Variants in GRIK2 observed in about 807,000 individuals in gnomAD.
GRIK2 encodes the protein glutamate ionotropic receptor kainate type subunit 2, also known as glutamate receptor ionotropic, kainate 2.
A neutral mutation model predicts 100.3 loss-of-function variants in GRIK2; 32 were observed. That is an observed-to-expected ratio of 0.32 (90% CI 0.24 to 0.43). GRIK2 has a LOEUF of 0.43. Ranked by LOEUF, GRIK2 falls within the 20% of genes least tolerant of loss-of-function variation. The pLI is 1.00. For missense variants in GRIK2, 843 were observed against 1,114.9 expected (o/e 0.76, Z 3.47); for synonymous variants, 417 against 389.4 (o/e 1.07, Z -0.83).
At chr6:101,517,736 T>C (rs17816108) in intron 2 of GRIK2, among the ~76,000 whole-genome samples, 15,135 of 152,212 alleles carry the variant, frequency 0.099, 856 homozygotes, top group Middle Eastern at 0.15. Flanking sequence ...TCTAAGCAGA[T>C]ATTTAGTAAT....
intron 4 of GRIK2, among the ~76,000 whole-genome samples, chr6:101,664,289 T>C (rs965144947): frequency 6.6e-6 from 1 of 152,010 alleles, no homozygotes; most frequent in Non-Finnish European, 1.5e-5. Flanking sequence ...AAAAAAGAAA[T>C]AGATAATAGG....
intron 4 of GRIK2, among the ~76,000 whole-genome samples, chr6:101,661,468 T>A (rs772047373): frequency 1.3e-4 from 20 of 152,040 alleles, no homozygotes; most frequent in Non-Finnish European, 1.8e-4. Context: ...TCAGCCCCCT[T>A]GCCAGGGGAG....
chr6:101,972,344 T>C (rs1177386533), intron 14 of GRIK2, among the ~76,000 whole-genome samples: 1 of 152,100 alleles, frequency 6.6e-6, no homozygotes, highest in African/African-American at 2.4e-5. Context: ...TACATTTCTC[T>C]GATGACTAGT....
intron 2 of GRIK2, among the ~76,000 whole-genome samples, chr6:101,517,082 G>A (rs1761176310): frequency 6.6e-6 from 1 of 151,968 alleles, no homozygotes; most frequent in African/African-American, 2.4e-5. Context: ...TTAAATTAAG[G>A]TACTTATCTT....
intron 7 of GRIK2, among the ~76,000 whole-genome samples, chr6:101,707,604 G>GA (rs1773421703): frequency 8.0e-6 from 1 of 125,310 alleles, no homozygotes; most frequent in Non-Finnish European, 1.6e-5. Context: ...GTATATATGT[G>GA]TGTATATATA....
intron 10 of GRIK2, among the ~76,000 whole-genome samples, chr6:101,855,549 A>G (rs764682875): frequency 4.6e-5 from 7 of 152,140 alleles, no homozygotes; most frequent in South Asian, 2.1e-4. Context: ...CAATCAATCA[A>G]TCAATAAAAA....
intron 14 of GRIK2, among the ~76,000 whole-genome samples, chr6:101,986,416 C>T (rs965469939): frequency 6.6e-6 from 1 of 151,764 alleles, no homozygotes; most frequent in Non-Finnish European, 1.5e-5. Context: ...TTACTAGTTA[C>T]TTTACCTGAG....
chr6:101,904,302 G>T (rs2518208), intron 12 of GRIK2, among the ~76,000 whole-genome samples: 1 of 151,178 alleles, frequency 6.6e-6, no homozygotes, highest in Non-Finnish European at 1.5e-5. Flanking sequence ...GCATAAGATC[G>T]TGTCACATCT....
intron 2 of GRIK2, among the ~76,000 whole-genome samples, chr6:101,459,175 A>T (rs1771166772): frequency 1.3e-5 from 2 of 152,056 alleles, no homozygotes; most frequent in Non-Finnish European, 2.9e-5. Flanking sequence ...AATGAAAACT[A>T]TCCATGCATG....
chr6:101,768,096 T>C (rs559090973), intron 7 of GRIK2, among the ~76,000 whole-genome samples: 15 of 152,178 alleles, frequency 9.9e-5, no homozygotes, highest in African/African-American at 3.6e-4. Context: ...TGGGCTCAAG[T>C]GATCTACCCA....
chr6:101,777,188 A>G (rs1380529437), intron 7 of GRIK2, among the ~76,000 whole-genome samples: 2 of 152,202 alleles, frequency 1.3e-5, no homozygotes. Context: ...GTCTCTGACA[A>G]TTGGCTCCCG....
intron 11 of GRIK2, among the ~76,000 whole-genome samples, chr6:101,869,154 A>T (rs1224110981): frequency 6.6e-6 from 1 of 151,926 alleles, no homozygotes; most frequent in Non-Finnish European, 1.5e-5. Flanking sequence ...ATCTTATGTA[A>T]CACCACACGT....
intron 2 of GRIK2, among the ~76,000 whole-genome samples, chr6:101,570,650 T>A (rs1437416262): frequency 6.6e-6 from 1 of 152,102 alleles, no homozygotes; most frequent in African/African-American, 2.4e-5. Context: ...AACCACTAAT[T>A]TGAGTTACTC....
At chr6:101,840,984 G>A (rs1056786016) in intron 10 of GRIK2, among the ~76,000 whole-genome samples, 5 of 150,884 alleles carry the variant, frequency 3.3e-5, no homozygotes, top group African/African-American at 7.3e-5. Context: ...TATAGCCAAA[G>A]GCACTAAAAT....
chr6:101,403,297 G>A (rs1775424741), intron 2 of GRIK2, among the ~76,000 whole-genome samples: 1 of 152,180 alleles, frequency 6.6e-6, no homozygotes, highest in Non-Finnish European at 1.5e-5. Flanking sequence ...CTGAGCATAT[G>A]GTAGGCCATG....
intron 9 of GRIK2, among the ~76,000 whole-genome samples, chr6:101,818,155 A>G (rs1034135685): frequency 3.9e-5 from 6 of 152,196 alleles, no homozygotes; most frequent in African/African-American, 1.2e-4. Flanking sequence ...TGACTGGAGA[A>G]GTTCAGTGGA....
intron 12 of GRIK2, among the ~76,000 whole-genome samples, chr6:101,913,954 C>A (rs572126594): frequency 6.6e-6 from 1 of 151,344 alleles, no homozygotes; most frequent in African/African-American, 2.4e-5. Flanking sequence ...CTTGCAGATT[C>A]TTGATCAATG....
chr6:101,904,951 C>T (rs1299879124), intron 12 of GRIK2, among the ~76,000 whole-genome samples: 2 of 151,400 alleles, frequency 1.3e-5, no homozygotes, highest in South Asian at 2.1e-4. Context: ...TCTTATTAGT[C>T]TAGCTTATGA....
intron 7 of GRIK2, chr6:101,744,553 T>TATACACAC (rs1583061128): frequency 1.5e-5 from 2 of 129,852 alleles, no homozygotes; most frequent in African/African-American, 3.2e-5. Context: ...TATATATATA[T>TATACACAC]ATATATCACA....
Sources: allele counts gnomAD v4.1 joint callset (sites outside exome capture counted in the v4.1 genomes callset), GRCh38; gene constraint gnomAD v4.1.1; transcripts MANE v1.5; gene names NCBI Gene and HGNC (gene_info 2026-07-23, HGNC 2026-07-21).